The following PHF20 variants were observed in gnomAD, a reference collection of about 807,000 sequenced individuals.
PHF20 encodes PHD finger protein 20, also known as glioma-expressed antigen 2.
Under a neutral mutation model 113.5 loss-of-function variants are expected in PHF20, and 23 were observed. The ratio of observed to expected loss-of-function variants is 0.20; its 90% confidence interval spans 0.15 to 0.29. The LOEUF (loss-of-function observed/expected upper bound fraction) is 0.29, where lower values mean the gene tolerates loss of function less well. Ranked by LOEUF, PHF20 falls within the 10% of genes least tolerant of loss-of-function variation. The pLI is 1.00. For missense variants in PHF20, 943 were observed against 1,219.6 expected (o/e 0.77, Z 3.38); for synonymous variants, 434 against 457.3 (o/e 0.95, Z 0.65).
intron 2 of PHF20, among the ~76,000 whole-genome samples, chr20:35,830,733 CT>C (rs888568606): frequency 3.2e-4 from 46 of 145,892 alleles, no homozygotes; most frequent in East Asian, 5.9e-4. Flanking sequence ...TTCCCTTCAA[CT>C]TTTTTTTTTT....
At chr20:35,785,730 G>C (rs1227545924) in intron 1 of PHF20, among the ~76,000 whole-genome samples, 1 of 151,750 alleles carries the variant, frequency 6.6e-6, no homozygotes, top group African/African-American at 2.4e-5. Context: ...TCTCCAAATT[G>C]TTTTCCTTTG....
At chr20:35,788,795 C>G (rs186668759) in intron 1 of PHF20, among the ~76,000 whole-genome samples, 2 of 151,752 alleles carry the variant, frequency 1.3e-5, no homozygotes, top group Admixed American at 1.3e-4. Flanking sequence ...CCAGGGTGTT[C>G]TTGAACTGAC....
At chr20:35,879,122 G>A (rs1362648375) in intron 9 of PHF20, among the ~76,000 whole-genome samples, 3 of 152,140 alleles carry the variant, frequency 2.0e-5, no homozygotes, top group African/African-American at 7.2e-5. Flanking sequence ...AGTCCTATTT[G>A]CCCTAGTTAA....
At chr20:35,839,408 AAAAG>A (rs1350872118) in intron 2 of PHF20, among the ~76,000 whole-genome samples, 21 of 150,268 alleles carry the variant, frequency 1.4e-4, no homozygotes, top group Non-Finnish European at 2.7e-4. Context: ...AAAAAAAAAA[AAAAG>A]AAAGTGGTTT....
chr20:35,775,275 A>G (rs1310634607), intron 1 of PHF20, among the ~76,000 whole-genome samples: 1 of 152,086 alleles, frequency 6.6e-6, no homozygotes, highest in Non-Finnish European at 1.5e-5. Context: ...ACTGAACTAC[A>G]CTTTTAGTAG....
chr20:35,847,289 C>A, intron 3 of PHF20, 61 bp from the exon 4 acceptor site: 1 of 1,107,422 alleles, frequency 9.0e-7, no homozygotes, highest in South Asian at 1.4e-5. Flanking sequence ...CTGGTATGTC[C>A]TGTATGTCCT....
At chr20:35,868,286 T>G (rs767180636) in intron 6 of PHF20, among the ~76,000 whole-genome samples, 1 of 148,544 alleles carries the variant, frequency 6.7e-6, no homozygotes, top group Non-Finnish European at 1.5e-5. Context: ...AGAGCAAAAC[T>G]CTATCTCAAA....
rs1165230929 is a variant in PHF20 at position 35,938,725 on chromosome 20, T to C, written c.2329T>C (p.Trp777Arg). 6.2e-7 allele frequency: 1 copy of C among 1,612,654 alleles called. No individual in the cohort carries two copies. The highest frequency in any genetic ancestry group is 1.1e-5 in the South Asian group (1 of 90,940). The change falls in exon 16 of 18, where the codon TGG becomes CGG. Residue 777 changes from tryptophan to arginine, a missense_variant. Around this residue, in one of 3 missense-constraint regions of PHF20, gnomAD observed 349 missense variants for 412.3 expected, o/e 0.85. Coordinates refer to ENST00000374012, the MANE Select transcript of PHF20 (RefSeq NM_016436.5). ...CCGGGAGCATCCTGATCTGCCGCTG[T>C]GGTGCCAGCCTTGGAAACAGCACTC... is the stretch of plus-strand genomic sequence containing the variant. Reference protein sequence around the residue: ...QSREHPDLPLWCQPWKQHSGE... With the variant: ...QSREHPDLPLRCQPWKQHSGE...
At chr20:35,806,867 C>T (rs113818978) in intron 2 of PHF20, among the ~76,000 whole-genome samples, 7,065 of 143,480 alleles carry the variant, frequency 0.049, 203 homozygotes, top group African/African-American at 0.093. Context: ...ACGATCTTGG[C>T]TCATTGCAAG....
chr20:35,917,442 T>G, intron 12 of PHF20, 42 bp from the exon 13 acceptor site: 2 of 1,545,936 alleles, frequency 1.3e-6, no homozygotes, highest in Non-Finnish European at 1.8e-6. Context: ...TTTTTAATTT[T>G]ATAACCTAAA....
intron 2 of PHF20, among the ~76,000 whole-genome samples, chr20:35,811,247 A>G (rs947134042): frequency 5.3e-5 from 8 of 151,864 alleles, no homozygotes; most frequent in African/African-American, 1.9e-4. Context: ...GGGTTTCACT[A>G]TGTTGGCCAA....
chr20:35,840,208 A>G (rs143366133), intron 2 of PHF20, among the ~76,000 whole-genome samples: 184 of 152,356 alleles, frequency 1.2e-3, no homozygotes, highest in African/African-American at 4.4e-3. Context: ...TTTGATTAAT[A>G]CAAGTGTTTT....
chr20:35,819,345 C>T (rs957180210), intron 2 of PHF20, among the ~76,000 whole-genome samples: 7 of 152,144 alleles, frequency 4.6e-5, no homozygotes, highest in Middle Eastern at 3.2e-3. Context: ...CTGCTGCCTT[C>T]GCCTTCTTCC....
chr20:35,838,936 G>A (rs2042491690), intron 2 of PHF20, among the ~76,000 whole-genome samples: 1 of 151,248 alleles, frequency 6.6e-6, no homozygotes, highest in African/African-American at 2.4e-5. Flanking sequence ...CAAAGCTGTA[G>A]TGTGCCATGG....
chr20:35,878,361 A>C (rs1313811849), intron 9 of PHF20: 1 of 380,132 alleles, frequency 2.6e-6, no homozygotes, highest in Non-Finnish European at 4.6e-6. Context: ...GAAGAATGAC[A>C]GTGAAAATGT....
At chr20:35,786,303 A>G (rs1022460257) in intron 1 of PHF20, among the ~76,000 whole-genome samples, 1 of 152,140 alleles carries the variant, frequency 6.6e-6, no homozygotes, top group African/African-American at 2.4e-5. Context: ...AGGCAGGAGA[A>G]TCGCTTGAAC....
chr20:35,900,094 T>C (rs2055066674), intron 10 of PHF20, among the ~76,000 whole-genome samples: 1 of 152,198 alleles, frequency 6.6e-6, no homozygotes, highest in African/African-American at 2.4e-5. Flanking sequence ...TCATCTTAAG[T>C]GCAACTGAAG....
intron 9 of PHF20, among the ~76,000 whole-genome samples, chr20:35,898,923 AT>A (rs1215837664): frequency 1.3e-5 from 2 of 151,880 alleles, no homozygotes; most frequent in Non-Finnish European, 2.9e-5. Flanking sequence ...TTTCTTTTGT[AT>A]TTTTAATAAA....
intron 1 of PHF20, among the ~76,000 whole-genome samples, chr20:35,786,252 G>A (rs1245886304): frequency 4.0e-5 from 6 of 150,870 alleles, no homozygotes; most frequent in African/African-American, 1.5e-4. Context: ...TTAGTTGGGT[G>A]TGGTGGCGTG....
Sources: gnomAD v4.1 joint callset for allele counts (sites outside exome capture counted in the v4.1 genomes callset) on GRCh38, gnomAD v4.1.1 for gene constraint, gnomAD v4.1.1 regional missense constraint, MANE v1.5 for transcripts, NCBI Gene and HGNC (gene_info 2026-07-23, HGNC 2026-07-21) for gene names.